PLXNA4: variants seen among roughly 807,000 people sequenced by gnomAD.
The protein encoded by PLXNA4 is plexin-A4.
PLXNA4 carries 44 observed loss-of-function variants against 191.8 expected under a neutral mutation model. The ratio of observed to expected loss-of-function variants is 0.23; its 90% CI spans 0.18 to 0.29. The LOEUF is 0.29. Ranked by LOEUF, PLXNA4 falls within the 10% of genes least tolerant of loss-of-function variation. PLXNA4 has a pLI of 1.00. For missense variants in PLXNA4, 1,800 were observed against 2,488.8 expected (o/e 0.72, Z 5.89); for synonymous variants, 1,082 against 1,009.5 (o/e 1.07, Z -1.36).
chr7:132,354,955 G>A (rs1803639611), intron 3 of PLXNA4, among the ~76,000 whole-genome samples: 1 of 152,180 alleles, frequency 6.6e-6, no homozygotes, highest in Admixed American at 6.5e-5. Flanking sequence ...TCTTATTTTA[G>A]GGGTGTTCAG....
chr7:132,182,653 C>T (rs1351240897), intron 16 of PLXNA4, among the ~76,000 whole-genome samples: 1 of 152,178 alleles, frequency 6.6e-6, no homozygotes, highest in Non-Finnish European at 1.5e-5. Flanking sequence ...CAGTCTGCTC[C>T]CCCAGGGCAA....
At chr7:132,139,927 G>C (rs1219771078) in intron 30 of PLXNA4, among the ~76,000 whole-genome samples, 1 of 152,208 alleles carries the variant, frequency 6.6e-6, no homozygotes, top group African/African-American at 2.4e-5. Context: ...GGTGCTTGGC[G>C]TATGGAGCTG....
At chr7:132,466,439 G>A (rs1281116148) in intron 3 of PLXNA4, among the ~76,000 whole-genome samples, 1 of 152,230 alleles carries the variant, frequency 6.6e-6, no homozygotes, top group Non-Finnish European at 1.5e-5. Flanking sequence ...AGCGTCCTTA[G>A]CAACGATAAG....
Position 132,182,772 on chromosome 7 carries a change from G to A in PLXNA4, c.3159-582C>T, listed in dbSNP as rs1478251599. On this transcript the variant is annotated intron_variant, in intron 16 of 31. Coordinates refer to ENST00000321063, the MANE Select transcript of PLXNA4 (RefSeq NM_020911.2). ...GCAAGTGCGAAATGCTTTTGGACTC[G>A]GGTCTCCTGTACCCTGGGGTGGCAC... Among the ~76,000 whole-genome samples, 5 of 152,124 alleles carry A rather than the reference G, an allele frequency of 3.3e-5. No individual in the cohort carries two copies. In the East Asian group the frequency reaches 7.7e-4, roughly 23 times the overall value.
chr7:132,133,442 T>C (rs1795026339), intron 30 of PLXNA4, among the ~76,000 whole-genome samples: 1 of 151,714 alleles, frequency 6.6e-6, no homozygotes, highest in Non-Finnish European at 1.5e-5. Flanking sequence ...ATTTGGGGAG[T>C]GGCCAAGACA....
At chr7:132,482,728 TA>T (rs1287718181) in intron 3 of PLXNA4, among the ~76,000 whole-genome samples, 2 of 148,842 alleles carry the variant, frequency 1.3e-5, no homozygotes, top group African/African-American at 5.0e-5. Context: ...AGTCTCACTC[TA>T]TTGCCCAGGC....
intron 4 of PLXNA4, among the ~76,000 whole-genome samples, chr7:132,257,443 C>T (rs1195005730): frequency 6.6e-6 from 1 of 152,202 alleles, no homozygotes; most frequent in African/African-American, 2.4e-5. Flanking sequence ...TGTGGTGGTG[C>T]AATGTCACCC....
chr7:132,290,948 G>A (rs1342919932), intron 4 of PLXNA4, among the ~76,000 whole-genome samples: 1 of 152,216 alleles, frequency 6.6e-6, no homozygotes, highest in African/African-American at 2.4e-5. Flanking sequence ...TTTGCTGAAT[G>A]TTCTTTCTGA....
chr7:132,579,093 C>T (rs1389631686), upstream of PLXNA4, among the ~76,000 whole-genome samples: 2 of 152,152 alleles, frequency 1.3e-5, no homozygotes, highest in Non-Finnish European at 2.9e-5. Flanking sequence ...CCCCAAGGTC[C>T]ATGTAAGGTT....
intron 3 of PLXNA4, among the ~76,000 whole-genome samples, chr7:132,339,071 T>C (rs1465821182): frequency 6.6e-6 from 1 of 151,766 alleles, no homozygotes; most frequent in African/African-American, 2.4e-5. Flanking sequence ...TGGCAAGGAG[T>C]CTGAGAAAGA....
chr7:132,225,972 G>A (rs1798309317), intron 8 of PLXNA4, among the ~76,000 whole-genome samples, 189 bp downstream of exon 8: 1 of 149,970 alleles, frequency 6.7e-6, no homozygotes, highest in African/African-American at 2.5e-5. Context: ...CAGAGGAGAG[G>A]GAGTGAGGGA....
rs2116250309 is a variant in PLXNA4, at chr7:132,507,920, G to C, written c.774C>G (p.Thr258=). 6.2e-7 allele frequency: 1 copy of C among 1,614,062 alleles called. No individual in the cohort carries two copies. The highest frequency in any genetic ancestry group is 1.7e-4 in the Middle Eastern group (1 of 6,060). Residue 258 remains threonine, a synonymous_variant, in exon 2 of 32, where the codon ACC becomes ACG. Coordinates refer to ENST00000321063, the MANE Select transcript of PLXNA4 (RefSeq NM_020911.2). ...GTGGAGACACCATCTCAGGTTGGAG[G>C]GTCAAAAAGTAGACAAAGTTGCCAC... ...FSSGNFVYFL[T]LQPEMVSPPG...
At chr7:132,366,598 T>G (rs1055207949) in intron 3 of PLXNA4, among the ~76,000 whole-genome samples, 1 of 152,112 alleles carries the variant, frequency 6.6e-6, no homozygotes, top group African/African-American at 2.4e-5. Context: ...TAGGGGCTTT[T>G]GGGAAATCAA....
Position 132,382,172 on chromosome 7 carries a change from C to T in PLXNA4, c.1372-83950G>A, listed in dbSNP as rs577884422. ...TGCATTTGTCCTCTTGGACAAAGCA[C>T]ACAGGCTGAGGAGGTCTCCTTCTTT... On this transcript the variant is annotated intron_variant, in intron 3 of 31. Coordinates refer to ENST00000321063, the MANE Select transcript of PLXNA4 (RefSeq NM_020911.2). 2.0e-5 allele frequency among the ~76,000 whole-genome samples: 3 copies of T among 152,176 alleles called. No individual in the cohort carries two copies. In the South Asian group the frequency reaches 6.2e-4, roughly 32 times the overall value.
intron 1 of PLXNA4, among the ~76,000 whole-genome samples, chr7:132,520,455 G>A (rs1799131035): frequency 6.6e-6 from 1 of 152,192 alleles, no homozygotes; most frequent in Non-Finnish European, 1.5e-5. Flanking sequence ...AGGCCTCCAA[G>A]CATTGAAACT....
chr7:132,348,338 T>G (rs950667316), intron 3 of PLXNA4, among the ~76,000 whole-genome samples: 4 of 152,194 alleles, frequency 2.6e-5, no homozygotes, highest in African/African-American at 7.2e-5. Context: ...CCCACAGACC[T>G]AAGACCTAAG....
intron 3 of PLXNA4, among the ~76,000 whole-genome samples, chr7:132,380,270 G>A (rs972634627): frequency 2.0e-5 from 3 of 152,316 alleles, no homozygotes; most frequent in Admixed American, 2.0e-4. Context: ...GCAGCATTGT[G>A]ATCGTGTGCA....
intron 9 of PLXNA4, among the ~76,000 whole-genome samples, chr7:132,211,637 G>C (rs531321163): frequency 6.6e-6 from 1 of 152,240 alleles, no homozygotes; most frequent in Non-Finnish European, 1.5e-5. Context: ...GAGGCTGGGA[G>C]GGCCTTCCCT....
At chr7:132,316,435 C>A (rs777803257) in intron 3 of PLXNA4, among the ~76,000 whole-genome samples, 1 of 152,174 alleles carries the variant, frequency 6.6e-6, no homozygotes, top group South Asian at 2.1e-4. Context: ...TAGCACTTTA[C>A]GGATCAAGTC....
Sources: gnomAD v4.1 joint callset for allele counts (sites outside exome capture counted in the v4.1 genomes callset) on GRCh38, gnomAD v4.1.1 for gene constraint, MANE v1.5 for transcripts, NCBI Gene and HGNC (gene_info 2026-07-23, HGNC 2026-07-21) for gene names.